NLRP1: variants seen among roughly 807,000 people sequenced by gnomAD.
The protein encoded by NLRP1 is NACHT, LRR and PYD domains-containing protein 1.
A neutral mutation model predicts 136.7 loss-of-function variants in NLRP1; 94 were observed. The observed-to-expected ratio is 0.69, with a 90% confidence interval of 0.58 to 0.82. The LOEUF is 0.82. NLRP1 is among the 40% of genes least tolerant of loss of function. The pLI, the probability that NLRP1 is intolerant of heterozygous loss-of-function variation, is 0.00. For missense variants in NLRP1, 1,575 were observed against 1,802.7 expected (o/e 0.87, Z 2.29); for synonymous variants, 690 against 725.1 (o/e 0.95, Z 0.78).
At chr17:5,524,683 G>C (rs1909312343) in intron 12 of NLRP1, among the ~76,000 whole-genome samples, 1 of 152,196 alleles carries the variant, frequency 6.6e-6, no homozygotes, top group Non-Finnish European at 1.5e-5. Context: ...TGAAATCCTG[G>C]GAGGAAAGTG....
chr17:5,553,658 C>T, intron 4 of NLRP1, 102 bp from the exon 5 acceptor site: 2 of 1,051,330 alleles, frequency 1.9e-6, no homozygotes, highest in Admixed American at 4.4e-5. Context: ...CCCTGAGCAC[C>T]AGGCCACAGC....
At chr17:5,555,978 C>G (rs1051424564) in intron 4 of NLRP1, among the ~76,000 whole-genome samples, 3 of 152,038 alleles carry the variant, frequency 2.0e-5, no homozygotes, top group Non-Finnish European at 4.4e-5. Context: ...CCTGTAATCC[C>G]AGCTACTCTG....
chr17:5,570,483 C>T (rs1915755891), intron 3 of NLRP1, among the ~76,000 whole-genome samples: 1 of 152,008 alleles, frequency 6.6e-6, no homozygotes, highest in Non-Finnish European at 1.5e-5. Flanking sequence ...ATTACGAACA[C>T]CTCTATATAC....
chr17:5,552,436 T>C (rs557678390), intron 5 of NLRP1, among the ~76,000 whole-genome samples: 1 of 152,300 alleles, frequency 6.6e-6, no homozygotes, highest in Admixed American at 6.5e-5. Flanking sequence ...TAGAGCTTTA[T>C]TTGAAACCTA....
Position 5,559,171 on chromosome 17 carries a change from A to G in NLRP1, c.1525T>C (p.Ser509Pro). The G allele has an allele frequency of 1.9e-6, 3 of 1,614,176 alleles. No individual in the cohort carries two copies. The highest frequency in any genetic ancestry group is 2.5e-6 in the Non-Finnish European group (3 of 1,180,034). Residue 509 changes from serine (S) to proline (P), a missense_variant, in exon 4 of 17, where the codon TCA becomes CCA. Coordinates refer to ENST00000572272, the MANE Select transcript of NLRP1 (RefSeq NM_033004.4). ...QAIRAFRLVK[S>P]NKELWALCLV... is the part of the protein sequence containing the mutation. ...CACAGGGCCCAGAGCTCTTTGTTTG[A>G]TTTGACCAACCTAAAGGCTCTAATT...
chr17:5,542,055 C>T (rs778742226), intron 5 of NLRP1, 28 bp from the exon 6 acceptor site: 3 of 1,601,988 alleles, frequency 1.9e-6, no homozygotes, highest in South Asian at 1.1e-5. Context: ...CCATGGTCTT[C>T]AGGTTACTCA....
rs141912879 is a variant in NLRP1, at chr17:5,558,650, C to T, written c.2046G>A (p.Gly682=). 2.2e-5 allele frequency: 36 copies of T among 1,613,978 alleles called. No individual in the cohort carries two copies. The highest frequency in any genetic ancestry group is 3.1e-5 in the Non-Finnish European group (36 of 1,179,994). Residue 682 remains glycine (G), a synonymous_variant, in exon 4 of 17, where the codon GGG becomes GGA. Transcript: ENST00000572272. ...RFLLGLLSDE[G]EREMENIFHC... ...GAAAGATGTTCTCCATCTCTCTCTC[C>T]CCCTCATCACTTAACAGGCCCAATA...
intron 5 of NLRP1, among the ~76,000 whole-genome samples, chr17:5,542,917 C>T (rs184346573): frequency 6.6e-4 from 101 of 152,236 alleles, no homozygotes; most frequent in African/African-American, 2.2e-3. Flanking sequence ...GCAACCTCCG[C>T]GCCCTGGGTT....
chr17:5,517,696 T>C (rs201456251), intron 15 of NLRP1, 50 bp downstream of exon 15: 4 of 1,608,020 alleles, frequency 2.5e-6, no homozygotes, highest in Non-Finnish European at 3.4e-6. Flanking sequence ...CCTTCATTGA[T>C]TTTCTTTCTC....
At chr17:5,560,862 C>T (rs982943550) in intron 3 of NLRP1, among the ~76,000 whole-genome samples, 9 of 152,234 alleles carry the variant, frequency 5.9e-5, no homozygotes, top group African/African-American at 1.4e-4. Context: ...CGGGCGAGCC[C>T]GACCTGAGAC....
In NLRP1 at chr17:5,521,586, C is replaced by T. The variant is rs11653832; in HGVS notation, c.3721G>A (p.Val1241Ile). The T allele has an allele frequency of 3.4e-4, 553 of 1,613,986 alleles. 1 individual carries two copies. Among genetic ancestry groups the T allele is most frequent in the Admixed American group, 2.3e-3 (137 of 60,008 alleles). ...TGGAAGGTGACTTCCTCAGGATGGA[C>T]GCGGTGGTAAAGCAACACCACAGAG... ...VTSVVLLYHR[V>I]HPEEVTFHLY... Residue 1241 changes from valine (V) to isoleucine (I), a missense_variant, in exon 13 of 17, where the codon GTC becomes ATC. Val to Ile is a conservative substitution (Grantham distance 29). Coordinates refer to ENST00000572272, the MANE Select transcript of NLRP1 (RefSeq NM_033004.4).
intron 2 of NLRP1, 26 bp downstream of exon 2, chr17:5,582,644 T>C (rs202106372): frequency 3.7e-6 from 6 of 1,610,920 alleles, no homozygotes; most frequent in Non-Finnish European, 4.2e-6. Flanking sequence ...CACCCAGGGC[T>C]GTCAGCCTGC....
At chr17:5,515,853 A>G (rs572399519) in intron 15 of NLRP1, among the ~76,000 whole-genome samples, 2 of 152,190 alleles carry the variant, frequency 1.3e-5, no homozygotes, top group East Asian at 3.9e-4. Context: ...AACTAACCAA[A>G]CCCCTTGCTA....
intron 14 of NLRP1, chr17:5,518,331 C>G (rs1908413360): frequency 5.9e-6 from 1 of 169,732 alleles, no homozygotes; most frequent in Admixed American, 5.7e-5. Context: ...TCCAGTTTCC[C>G]CAAACTCAGT....
chr17:5,559,771 C>A lies in NLRP1; in HGVS notation c.925G>T (p.Gly309Ter), dbSNP rs1171363573. The A allele has an allele frequency of 6.2e-7, 1 of 1,614,118 alleles. No individual in the cohort carries two copies. The highest frequency in any genetic ancestry group is 8.5e-7 in the Non-Finnish European group (1 of 1,180,056). The change falls in exon 4 of 17, where the codon GGA (glycine) becomes TGA (stop). Residue 309 changes from glycine (G) to a stop codon, truncating the protein, a stop_gained. Transcript: ENST00000572272. LOFTEE classifies it high-confidence loss of function. ...AAGTCTCTGATCTCAATTAAATGTC[C>A]TCGATTCTCCTCCACATAATCAGGC... is the stretch of plus-strand genomic sequence containing the variant. ...SWPDYVEENR[G>*]HLIEIRDLFG...
At chr17:5,519,303 T>G (rs906856004) in intron 14 of NLRP1, among the ~76,000 whole-genome samples, 1 of 151,520 alleles carries the variant, frequency 6.6e-6, no homozygotes, top group Non-Finnish European at 1.5e-5. Flanking sequence ...CACCCGGCCC[T>G]CCCGGCTAAT....
At position 5,520,867 on chromosome 17, in the gene NLRP1, A is replaced by G; in HGVS notation, c.3915+14T>C. On this transcript the variant is annotated intron_variant, in intron 14 of 16. Transcript: ENST00000572272. ...TTCTGTTCGCAGTGAAGAGGCAGAC[A>G]CTGGGCTGCTCACCTTGGGGAGTAT... 1 of 1,576,236 alleles carries G rather than the reference A, an allele frequency of 6.3e-7. No individual in the cohort carries two copies. The highest frequency in any genetic ancestry group is 2.3e-5 in the East Asian group (1 of 44,428).
At chr17:5,516,231 A>G (rs551735029) in intron 15 of NLRP1, among the ~76,000 whole-genome samples, 5 of 152,244 alleles carry the variant, frequency 3.3e-5, no homozygotes, top group African/African-American at 1.2e-4. Context: ...CACCGGGTCC[A>G]TGTAGGTGGA....
At chr17:5,526,012 G>A (rs1403516412) in intron 12 of NLRP1, among the ~76,000 whole-genome samples, 1 of 148,576 alleles carries the variant, frequency 6.7e-6, no homozygotes, top group East Asian at 2.0e-4. Flanking sequence ...GTCTTGCTCT[G>A]TCACCCAGGC....
Sources: allele counts gnomAD v4.1 joint callset (sites outside exome capture counted in the v4.1 genomes callset), GRCh38; gene constraint gnomAD v4.1.1; transcripts MANE v1.5; gene names NCBI Gene and HGNC (gene_info 2026-07-23, HGNC 2026-07-21).